Variants in RSRC1 observed in about 807,000 individuals in gnomAD.
The protein encoded by RSRC1 is serine/Arginine-related protein 53.
Under a neutral mutation model 49.1 loss-of-function variants are expected in RSRC1, and 39 were observed. That is an observed-to-expected ratio of 0.79 (90% CI 0.61 to 1.04). The LOEUF (loss-of-function observed/expected upper bound fraction) is 1.04, where lower values mean the gene tolerates loss of function less well. Among genes scored for constraint, RSRC1 ranks in the 50% least tolerant of loss-of-function variants. The pLI, the probability that RSRC1 is intolerant of heterozygous loss-of-function variation, is 0.00. For missense variants in RSRC1, 388 were observed against 402.4 expected (o/e 0.96, Z 0.31); for synonymous variants, 143 against 130.8 (o/e 1.09, Z -0.63).
At chr3:158,380,772 G>A (rs1732657594) in intron 6 of RSRC1, among the ~76,000 whole-genome samples, 1 of 151,714 alleles carries the variant, frequency 6.6e-6, no homozygotes, top group African/African-American at 2.4e-5. Flanking sequence ...ATTTGGTGAG[G>A]GAATATAAAG....
At chr3:158,130,210 A>C (rs1715924113) in intron 3 of RSRC1, among the ~76,000 whole-genome samples, 1 of 152,124 alleles carries the variant, frequency 6.6e-6, no homozygotes, top group African/African-American at 2.4e-5. Context: ...TTAGAAGGCC[A>C]TGAATCCTGT....
intron 4 of RSRC1, among the ~76,000 whole-genome samples, chr3:158,261,779 G>A (rs1724907928): frequency 3.3e-5 from 5 of 152,170 alleles, no homozygotes; most frequent in African/African-American, 9.7e-5. Context: ...ATCTGTCATT[G>A]TCTCCCATCA....
chr3:158,341,354 C>T (rs1389880461), intron 5 of RSRC1, among the ~76,000 whole-genome samples: 1 of 152,088 alleles, frequency 6.6e-6, no homozygotes, highest in African/African-American at 2.4e-5. Context: ...AGGTCCAGGT[C>T]CCTATGCTGT....
chr3:158,298,071 A>G lies in RSRC1; in HGVS notation c.527A>G (p.His176Arg). The change falls in exon 5 of 10, where the codon CAT (histidine) becomes CGT (arginine). Residue 176 changes from histidine (H) to arginine (R), a missense_variant. Coordinates refer to ENST00000611884, the MANE Select transcript of RSRC1 (RefSeq NM_001271838.2). ...GGAAACATCAAAGCTGGATTAGAAC[A>G]TCTGGTAAGTTCTCATTTTCTCTTG... Reference protein sequence around the residue: ...ESGNIKAGLEHLPPAEQAKAR... With the variant: ...ESGNIKAGLERLPPAEQAKAR... The G allele has an allele frequency of 6.2e-7, 1 of 1,603,464 alleles. No individual in the cohort carries two copies. Among genetic ancestry groups the G allele is most frequent in the East Asian group, 2.2e-5 (1 of 44,614 alleles).
intron 4 of RSRC1, among the ~76,000 whole-genome samples, chr3:158,258,717 G>C (rs1724717481): frequency 6.6e-6 from 1 of 152,004 alleles, no homozygotes; most frequent in African/African-American, 2.4e-5. Context: ...GGATCTTGTA[G>C]GTGTGCTTCA....
At chr3:158,247,307 A>C (rs936174627) in intron 4 of RSRC1, among the ~76,000 whole-genome samples, 4 of 152,096 alleles carry the variant, frequency 2.6e-5, no homozygotes, top group Non-Finnish European at 5.9e-5. Flanking sequence ...CGTTCATTAC[A>C]ACATGCTCCT....
intron 4 of RSRC1, among the ~76,000 whole-genome samples, chr3:158,237,066 G>A (rs750876828): frequency 7.2e-5 from 11 of 152,272 alleles, no homozygotes; most frequent in South Asian, 2.1e-4. Flanking sequence ...TGTGTCAAGC[G>A]CTTTATCCCT....
intron 3 of RSRC1, among the ~76,000 whole-genome samples, chr3:158,189,600 C>T (rs975467978): frequency 6.6e-6 from 1 of 151,826 alleles, no homozygotes; most frequent in African/African-American, 2.4e-5. Flanking sequence ...CATGCATGAT[C>T]TTTTTTTCTC....
intron 4 of RSRC1, among the ~76,000 whole-genome samples, chr3:158,275,273 G>T (rs2108063838): frequency 6.6e-6 from 1 of 152,312 alleles, no homozygotes; most frequent in Non-Finnish European, 1.5e-5. Context: ...GTACTGTGGA[G>T]ACAGAGGCAG....
chr3:158,304,346 T>G (rs1727727663), intron 5 of RSRC1, among the ~76,000 whole-genome samples: 1 of 152,166 alleles, frequency 6.6e-6, no homozygotes, highest in South Asian at 2.1e-4. Context: ...CTGCTGTATT[T>G]CGGTTTTCAG....
chr3:158,471,783 A>T (rs1738143683), intron 7 of RSRC1, among the ~76,000 whole-genome samples: 1 of 152,112 alleles, frequency 6.6e-6, no homozygotes, highest in Non-Finnish European at 1.5e-5. Flanking sequence ...GAATGAGAGG[A>T]AAGGAAAGAA....
intron 3 of RSRC1, among the ~76,000 whole-genome samples, chr3:158,167,413 A>C (rs1453147063): frequency 5.9e-5 from 9 of 151,948 alleles, no homozygotes; most frequent in African/African-American, 2.2e-4. Context: ...CTGGTCTCAA[A>C]CTCCTGGGCT....
Position 158,122,088 on chromosome 3 carries a change from A to C in RSRC1, c.-2-15A>C. The C allele has an allele frequency of 6.8e-7, 1 of 1,460,150 alleles. No individual in the cohort carries two copies. Among genetic ancestry groups the C allele is most frequent in the Non-Finnish European group, 9.1e-7 (1 of 1,100,480 alleles). The allele number at this position is 1,460,150 out of a possible 1,614,324, so 90.4% of individuals were successfully genotyped here. ...ACCATGTTAGAAATAATATTCTTCA[A>C]ATTTATGCTTATAGAAATGGGACGT... is the stretch of plus-strand genomic sequence containing the variant. On this transcript the variant is annotated splice_polypyrimidine_tract_variant and intron_variant, in intron 1 of 9. Coordinates refer to ENST00000611884, the MANE Select transcript of RSRC1 (RefSeq NM_001271838.2).
At chr3:158,123,506 C>G (rs896405770) in intron 2 of RSRC1, among the ~76,000 whole-genome samples, 30 of 152,018 alleles carry the variant, frequency 2.0e-4, no homozygotes, top group Admixed American at 2.0e-3. Flanking sequence ...CTGTGTTGCC[C>G]AAGCTGGTAT....
Position 158,122,197 on chromosome 3 carries a change from T to C in RSRC1, c.93T>C (p.Asp31=). The C allele has an allele frequency of 6.2e-7, 1 of 1,608,390 alleles. No individual in the cohort carries two copies. Among genetic ancestry groups the C allele is most frequent in the Non-Finnish European group, 8.5e-7 (1 of 1,176,594 alleles). The stretch of plus-strand genomic sequence containing the variant: ...GGTCCTCCTCGAGCAGTTCTTCAGA[T>C]AGTAGAACATACAGCCGAAAGAAAG... The part of the protein sequence containing the change: ...RRRSSSSSSS[D]SRTYSRKKGG... Residue 31 remains aspartate, a synonymous_variant, in exon 2 of 10, where the codon GAT becomes GAC. Transcript: ENST00000611884.
At chr3:158,336,125 T>C (rs1273344201) in intron 5 of RSRC1, among the ~76,000 whole-genome samples, 1 of 152,254 alleles carries the variant, frequency 6.6e-6, no homozygotes, top group East Asian at 1.9e-4. Flanking sequence ...TACTCACTTG[T>C]CTATGCCTGC....
chr3:158,203,213 G>C lies in RSRC1; in HGVS notation c.462G>C (p.Gly154=). ...KEKREKEKDK[G]KDKELHNIKR... ...AAAGAGAAAAGGAGAAGGATAAAGGGAAGGACAAGGAATTACATAACATCA... is the reference window on the plus strand; with the variant it reads ...AAAGAGAAAAGGAGAAGGATAAAGGCAAGGACAAGGAATTACATAACATCA... Residue 154 remains glycine, a synonymous_variant, in exon 4 of 10, where the codon GGG becomes GGC. Transcript: ENST00000611884. 6.2e-7 allele frequency: 1 copy of C among 1,603,426 alleles called. No homozygotes were observed.
intron 4 of RSRC1, among the ~76,000 whole-genome samples, chr3:158,276,649 G>T (rs1001789946): frequency 4.0e-5 from 6 of 151,228 alleles, no homozygotes; most frequent in African/African-American, 1.5e-4. Flanking sequence ...TTAGTTTTTC[G>T]ACCAGTATTT....
chr3:158,421,528 G>A (rs1254476009), intron 6 of RSRC1, among the ~76,000 whole-genome samples: 1 of 151,860 alleles, frequency 6.6e-6, no homozygotes, highest in Non-Finnish European at 1.5e-5. Context: ...AGTAAAGATG[G>A]AAATAAGTGG....
Sources: gnomAD v4.1 joint callset for allele counts (sites outside exome capture counted in the v4.1 genomes callset) on GRCh38, gnomAD v4.1.1 for gene constraint, MANE v1.5 for transcripts, NCBI Gene and HGNC (gene_info 2026-07-23, HGNC 2026-07-21) for gene names.